CENATAC: variants seen among roughly 807,000 people sequenced by gnomAD.
The protein encoded by CENATAC is centrosomal AT-AC splicing factor, also known as coiled-coil domain containing 84.
A neutral mutation model predicts 53.7 loss-of-function variants in CENATAC; 53 were observed. That is an observed-to-expected ratio of 0.99 (90% confidence interval 0.79 to 1.24). The LOEUF (loss-of-function observed/expected upper bound fraction) is 1.24. Ranked by LOEUF, CENATAC falls within the 50% of genes most tolerant of loss-of-function variation. The probability of loss-of-function intolerance (pLI) is 0.00; values close to 1 mark genes in which losing one functional copy is unlikely to be tolerated. For missense variants in CENATAC, 474 were observed against 417.8 expected, an observed-to-expected ratio of 1.13 and a Z score of -1.17; for synonymous variants, 156 against 144.6, an observed-to-expected ratio of 1.08 and a Z score of -0.57.
chr11:119,014,974 A>AAAAAAAG lies in CENATAC; in HGVS notation c.716-20_716-19insAAAAAAG. 6.9e-7 allele frequency: 1 copy of AAAAAAAG among 1,459,516 alleles called. No individual in the cohort carries two copies. Among genetic ancestry groups the AAAAAAAG allele is most frequent in the Non-Finnish European group, 9.4e-7 (1 of 1,065,914 alleles). The allele number at this position is 1,459,516 out of a possible 1,614,324, so 90.4% of individuals were successfully genotyped here. Reference sequence around the variant, plus strand: ...CTGAAGACTTAAAAAAAAAAAAAAAAGCCTTAATTTTTTTTTCAGGTGCCA... The same window carrying AAAAAAAG: ...CTGAAGACTTAAAAAAAAAAAAAAAAAAAAAAGGCCTTAATTTTTTTTTCAGGTGCCA... On this transcript the variant is annotated intron_variant, in intron 8 of 10. Coordinates refer to ENST00000334418, the MANE Select transcript of CENATAC (RefSeq NM_198489.3).
At chr11:119,000,884 A>T (rs1942260007) in intron 3 of CENATAC, among the ~76,000 whole-genome samples, 1 of 151,770 alleles carries the variant, frequency 6.6e-6, no homozygotes, top group African/African-American at 2.4e-5. Flanking sequence ...CACCATGCTT[A>T]CCCCTCACCC....
chr11:119,004,846 CCCAGGAGTTTAAGA>C (rs1233836126), intron 3 of CENATAC: 1 of 152,344 alleles, frequency 6.6e-6, no homozygotes, highest in Non-Finnish European at 1.5e-5. Flanking sequence ...ATCATTTGAG[CCCAGGAGTTTAAGA>C]CCAGCCTGAA....
At position 118,999,035 on chromosome 11, in the gene CENATAC, C is replaced by A; in HGVS notation, c.309C>A (p.Asn103Lys). Reference sequence around the variant, plus strand: ...GCCCAGAGCACAAGAAAGCAACCAACAAATTCTGGTGGGAGAACAAAGCTG... The same window carrying A: ...GCCCAGAGCACAAGAAAGCAACCAAAAAATTCTGGTGGGAGAACAAAGCTG... ...LASPEHKKAT[N>K]KFWWENKAEV... Residue 103 changes from asparagine (N) to lysine (K), a missense_variant, in exon 3 of 11, where the codon AAC becomes AAA. Physicochemically the swap from Asn to Lys is moderately conservative, Grantham distance 94. Coordinates refer to ENST00000334418, the MANE Select transcript of CENATAC (RefSeq NM_198489.3). 1 of 1,614,068 alleles carries A rather than the reference C, an allele frequency of 6.2e-7. No homozygotes were observed. Among genetic ancestry groups the A allele is most frequent in the Non-Finnish European group, 8.5e-7 (1 of 1,179,956 alleles).
intron 3 of CENATAC, among the ~76,000 whole-genome samples, chr11:119,009,152 CAG>C (rs1289603435): frequency 2.0e-5 from 3 of 152,002 alleles, no homozygotes; most frequent in African/African-American, 7.3e-5. Context: ...ATTTTTGAGA[CAG>C]AGTCTTGCTC....
intron 3 of CENATAC, among the ~76,000 whole-genome samples, chr11:119,000,150 T>C (rs904835522): frequency 2.6e-5 from 4 of 152,250 alleles, no homozygotes; most frequent in African/African-American, 7.2e-5. Flanking sequence ...CCTTCTGCTA[T>C]TTTGACATAT....
intron 3 of CENATAC, among the ~76,000 whole-genome samples, chr11:119,007,158 G>C (rs1449225023): frequency 1.3e-5 from 2 of 152,120 alleles, no homozygotes; most frequent in Non-Finnish European, 2.9e-5. Context: ...GTGGCCAGGA[G>C]ATACCGGCAA....
In CENATAC at chr11:119,012,265, T is replaced by TA. The variant is rs782745139; in HGVS notation, c.684+13dup. ...TTCATTGGCCATCAGGTACAAAGGATAAGCAAGCCAGAAGAGGGCCAATGG... is the reference window on the plus strand; with the variant it reads ...TTCATTGGCCATCAGGTACAAAGGATAAAGCAAGCCAGAAGAGGGCCAATGG... On this transcript the variant is annotated intron_variant, in intron 7 of 10. Transcript: ENST00000334418. The TA allele has an allele frequency of 1.2e-6, 2 of 1,613,638 alleles. No homozygotes were observed. The highest frequency in any genetic ancestry group is 1.7e-6 in the Non-Finnish European group (2 of 1,179,846).
intron 1 of CENATAC, 52 bp downstream of exon 1, chr11:118,998,369 G>C: frequency 6.2e-7 from 1 of 1,611,842 alleles, no homozygotes; most frequent in Non-Finnish European, 8.5e-7. Context: ...GGTCAGTGAA[G>C]GCCAGAGCGG....
intron 4 of CENATAC, 54 bp from the exon 5 acceptor site, chr11:119,011,167 G>T: frequency 6.6e-7 from 1 of 1,520,816 alleles, no homozygotes. Flanking sequence ...AAAGGCCTCT[G>T]AAGAAACTGG....
At position 119,014,909 on chromosome 11, in the gene CENATAC, G is replaced by A. The variant is rs186793290; in HGVS notation, c.716-85G>A. 1.0e-4 allele frequency: 91 copies of A among 874,000 alleles called. 1 individual carries two copies. The East Asian group carries it at 1.6e-3, about 16-fold the overall frequency. 54.1% of individuals were successfully genotyped at this position (874,000 alleles called of 1,614,324 possible). On this transcript the variant is annotated intron_variant, in intron 8 of 10. Transcript: ENST00000334418. Reference sequence around the variant, plus strand: ...TTTAGACATTTCTAGCTCTTAATGAGGAGAGGTAAGCTAACAGCTAGGACA... The same window carrying A: ...TTTAGACATTTCTAGCTCTTAATGAAGAGAGGTAAGCTAACAGCTAGGACA...
At chr11:119,014,019 A>C (rs1204788961) in intron 8 of CENATAC, 1 of 152,220 alleles carries the variant, frequency 6.6e-6, no homozygotes, top group Non-Finnish European at 1.5e-5. Flanking sequence ...CCAAACCTTC[A>C]TACACTGCTC....
intron 7 of CENATAC, 170 bp from the exon 8 acceptor site, chr11:119,013,062 T>C (rs927783260): frequency 2.1e-5 from 12 of 562,734 alleles, no homozygotes; most frequent in Non-Finnish European, 3.5e-5. Context: ...TGTCTTAGAG[T>C]GACTTACTGT....
At chr11:119,007,929 A>G (rs1942683222) in intron 3 of CENATAC, among the ~76,000 whole-genome samples, 2 of 152,232 alleles carry the variant, frequency 1.3e-5, no homozygotes, top group African/African-American at 4.8e-5. Context: ...AAAGAAAAGG[A>G]AGACCAAAGA....
Position 118,998,190 on chromosome 11 carries a change from C to T in CENATAC, c.-8C>T, listed in dbSNP as rs781902430. On this transcript the variant is annotated 5_prime_UTR_variant, in exon 1 of 11. Coordinates refer to ENST00000334418, the MANE Select transcript of CENATAC (RefSeq NM_198489.3). ...CCGCTGGTGGTGGTGATACCGGGTA[C>T]CCGGGCTATGGCGCCGGCGCAGCGC... The T allele has an allele frequency of 3.2e-6, 5 of 1,576,530 alleles. No individual in the cohort carries two copies. The highest frequency in any genetic ancestry group is 4.7e-5 in the East Asian group (2 of 42,746).
rs559948737 is a variant in CENATAC, at chr11:119,011,918, T to C, written c.514-21T>C. 3.1e-6 allele frequency: 5 copies of C among 1,612,772 alleles called. No homozygotes were observed. The East Asian group carries it at 8.9e-5, about 29-fold the overall frequency. ...CTCTTAAGCATCCCAGACACATTTA[T>C]TTTTCCTGAATCAAACTCAGCCTCA... On this transcript the variant is annotated intron_variant, in intron 5 of 10. Transcript: ENST00000334418.
In CENATAC at chr11:119,015,356, C is replaced by T. The variant is rs1943113725; in HGVS notation, c.855C>T (p.Asn285=). 6.2e-7 allele frequency: 1 copy of T among 1,614,182 alleles called. No homozygotes were observed. The change falls in exon 10 of 11, where the codon AAC becomes AAT. Residue 285 remains asparagine, a synonymous_variant. Transcript: ENST00000334418. Reference sequence around the variant, plus strand: ...TCCCCCCAGACCGAGTTGGGGCCAACTTTGATCACAGCTCCAGGACCAGTG... The same window carrying T: ...TCCCCCCAGACCGAGTTGGGGCCAATTTTGATCACAGCTCCAGGACCAGTG... ...KKLPPDRVGA[N]FDHSSRTSAG... is the part of the protein sequence containing the mutation.
At chr11:119,011,891 G>A (rs1942887122) in intron 5 of CENATAC, 48 bp from the exon 6 acceptor site, 4 of 1,562,636 alleles carry the variant, frequency 2.6e-6, no homozygotes, top group Non-Finnish European at 2.6e-6. Flanking sequence ...GGCCTAGGCA[G>A]GCTCTTAAGC....
chr11:119,012,909 G>A (rs187167167), intron 7 of CENATAC: 5 of 277,534 alleles, frequency 1.8e-5, no homozygotes, highest in Admixed American at 1.5e-4. Flanking sequence ...AGTTGCAAAT[G>A]TAATTTACGT....
chr11:119,012,301 C>A, intron 7 of CENATAC, 47 bp downstream of exon 7: 1 of 1,597,550 alleles, frequency 6.3e-7, no homozygotes, highest in South Asian at 1.1e-5. Context: ...TCCCTCAGGT[C>A]TCAGGACCCC....
Sources: allele counts gnomAD v4.1 joint callset (sites outside exome capture counted in the v4.1 genomes callset), GRCh38; gene constraint gnomAD v4.1.1; transcripts MANE v1.5; gene names NCBI Gene and HGNC (gene_info 2026-07-23, HGNC 2026-07-21).